TMEM232: variants seen among roughly 807,000 people sequenced by gnomAD.
TMEM232 encodes transmembrane protein 232.
In TMEM232, 80 loss-of-function variants were observed where a neutral mutation model predicts 78.8. That is an observed-to-expected ratio of 1.01 (90% CI 0.85 to 1.22). The LOEUF is 1.22. Ranked by LOEUF, TMEM232 falls within the 50% of genes most tolerant of loss-of-function variation. The pLI, the probability that TMEM232 is intolerant of heterozygous loss-of-function variation, is 0.00. For synonymous variants in TMEM232, 297 were observed against 254.3 expected, an observed-to-expected ratio of 1.17 and a Z score of -1.60; for missense variants, 881 against 742.2, an observed-to-expected ratio of 1.19 and a Z score of -2.17.
intron 10 of TMEM232, among the ~76,000 whole-genome samples, chr5:110,598,085 A>C (rs1367743244): frequency 6.6e-6 from 1 of 152,146 alleles, no homozygotes; most frequent in African/African-American, 2.4e-5. Context: ...CAACCTACAA[A>C]ATGGGAGAAA....
chr5:110,598,459 C>A (rs1780464802), intron 10 of TMEM232, among the ~76,000 whole-genome samples: 1 of 152,084 alleles, frequency 6.6e-6, no homozygotes, highest in Non-Finnish European at 1.5e-5. Context: ...GTGGCGATTC[C>A]TCAGGGATCT....
intron 1 of TMEM232, among the ~76,000 whole-genome samples, chr5:110,711,050 G>A (rs990383981): frequency 1.5e-4 from 23 of 152,118 alleles, no homozygotes; most frequent in African/African-American, 4.8e-4. Context: ...TAGAACTGAC[G>A]AACAAATTCA....
intron 10 of TMEM232, among the ~76,000 whole-genome samples, chr5:110,593,397 T>A (rs1027298084): frequency 1.3e-5 from 2 of 152,146 alleles, no homozygotes; most frequent in African/African-American, 2.4e-5. Context: ...AATAAAAGAT[T>A]AACAATGAGT....
At chr5:110,658,813 C>G (rs145104345) in intron 2 of TMEM232, among the ~76,000 whole-genome samples, 153 of 152,156 alleles carry the variant, frequency 1.0e-3, no homozygotes, top group Middle Eastern at 6.8e-3. Context: ...CATTCTTTGG[C>G]TTAAAAAAAG....
chr5:110,689,154 C>T (rs1163112244), intron 1 of TMEM232, among the ~76,000 whole-genome samples: 1 of 152,080 alleles, frequency 6.6e-6, no homozygotes, highest in African/African-American at 2.4e-5. Context: ...AAATAAATCT[C>T]CAAAAATGAT....
intron 10 of TMEM232, among the ~76,000 whole-genome samples, chr5:110,589,871 A>T (rs1253140095): frequency 6.6e-6 from 1 of 152,202 alleles, no homozygotes; most frequent in African/African-American, 2.4e-5. Context: ...CTGTATGTTT[A>T]AATAAATTAA....
At chr5:110,702,591 C>G (rs1373993314) in intron 1 of TMEM232, among the ~76,000 whole-genome samples, 2 of 152,020 alleles carry the variant, frequency 1.3e-5, no homozygotes, top group Non-Finnish European at 2.9e-5. Flanking sequence ...TTTTTGCTGC[C>G]TGAAACAGTT....
chr5:110,594,307 C>T (rs955102254), intron 10 of TMEM232, among the ~76,000 whole-genome samples: 2 of 152,114 alleles, frequency 1.3e-5, no homozygotes, highest in South Asian at 2.1e-4. Context: ...GTTTTTGCAA[C>T]CCACAGACCA....
At chr5:110,437,003 C>T (rs1006245077) in intron 12 of TMEM232, among the ~76,000 whole-genome samples, 7 of 151,722 alleles carry the variant, frequency 4.6e-5, no homozygotes, top group Non-Finnish European at 1.0e-4. Flanking sequence ...CATTGGTATA[C>T]TCATAGGGAT....
chr5:110,577,347 T>C (rs1245337680), intron 10 of TMEM232, among the ~76,000 whole-genome samples: 1 of 152,088 alleles, frequency 6.6e-6, no homozygotes, highest in African/African-American at 2.4e-5. Flanking sequence ...CCAGTCAGAA[T>C]GGCAATTGTT....
At chr5:110,592,689 A>G (rs1002227593) in intron 10 of TMEM232, among the ~76,000 whole-genome samples, 2 of 152,252 alleles carry the variant, frequency 1.3e-5, no homozygotes, top group Admixed American at 1.3e-4. Context: ...AAAACAAACA[A>G]AAAAAGCTAT....
intron 8 of TMEM232, among the ~76,000 whole-genome samples, chr5:110,614,921 T>C (rs567528849): frequency 6.6e-6 from 1 of 152,124 alleles, no homozygotes; most frequent in African/African-American, 2.4e-5. Context: ...ATATACTAAG[T>C]AAAATTATAT....
intron 8 of TMEM232, among the ~76,000 whole-genome samples, chr5:110,611,275 T>C (rs911969247): frequency 2.0e-5 from 3 of 152,178 alleles, no homozygotes; most frequent in African/African-American, 7.2e-5. Context: ...TTTTTACTGC[T>C]TAGGGAAACT....
At chr5:110,547,156 G>A (rs1481491487) in intron 11 of TMEM232, among the ~76,000 whole-genome samples, 1 of 151,990 alleles carries the variant, frequency 6.6e-6, no homozygotes, top group South Asian at 2.1e-4. Flanking sequence ...TAGAGCAAAG[G>A]TGATCATTTT....
At chr5:110,564,225 G>GA (rs1005494145) in intron 11 of TMEM232, among the ~76,000 whole-genome samples, 2 of 151,634 alleles carry the variant, frequency 1.3e-5, no homozygotes, top group South Asian at 2.1e-4. Flanking sequence ...TTCAATGACA[G>GA]AAAAAAATAT....
At chr5:110,737,314 T>A (rs1250082765) in intron 1 of TMEM232, among the ~76,000 whole-genome samples, 2 of 152,176 alleles carry the variant, frequency 1.3e-5, no homozygotes, top group Non-Finnish European at 2.9e-5. Flanking sequence ...GCATTCCTGC[T>A]TATTTTTTTC....
At chr5:110,683,124 T>C (rs1034869378) in intron 1 of TMEM232, among the ~76,000 whole-genome samples, 3 of 152,106 alleles carry the variant, frequency 2.0e-5, no homozygotes, top group African/African-American at 7.2e-5. Flanking sequence ...TTATTATGTG[T>C]TTTTTTGTGT....
Position 110,528,445 on chromosome 5 carries a change from G to C in TMEM232, c.1703+143C>G, listed in dbSNP as rs556674726. On this transcript the variant is annotated intron_variant, in intron 12 of 13. Coordinates refer to ENST00000455884, the MANE Select transcript of TMEM232 (RefSeq NM_001039763.4). ...GAAGGGAGGAACTAGCTCAATGATA[G>C]ATCATCTAAGAGGTGATCAAGCCAA... 1.1e-4 allele frequency: 66 copies of C among 601,514 alleles called. 1 individual carries two copies. The highest frequency in any genetic ancestry group is 5.1e-4 in the Middle Eastern group (1 of 1,974). The allele number at this position is 601,514 out of a possible 1,614,324, so 37.3% of individuals were successfully genotyped here.
At chr5:110,613,078 A>G (rs968248130) in intron 8 of TMEM232, among the ~76,000 whole-genome samples, 2 of 152,030 alleles carry the variant, frequency 1.3e-5, no homozygotes, top group South Asian at 2.1e-4. Context: ...CTTTTTCTTT[A>G]CTTCATTGGC....
Sources: gnomAD v4.1 joint callset for allele counts (sites outside exome capture counted in the v4.1 genomes callset) on GRCh38, gnomAD v4.1.1 for gene constraint, MANE v1.5 for transcripts, NCBI Gene and HGNC (gene_info 2026-07-23, HGNC 2026-07-21) for gene names.